The following ANKRD22 variants were observed in gnomAD, a reference collection of about 807,000 sequenced individuals.
The protein encoded by ANKRD22 is ankyrin repeat domain-containing protein 22.
A neutral mutation model predicts 25.7 loss-of-function variants in ANKRD22; 24 were observed. That is an observed-to-expected ratio of 0.93 (90% CI 0.68 to 1.31). The LOEUF (loss-of-function observed/expected upper bound fraction) is 1.31, where lower values mean the gene tolerates loss of function less well. Among genes scored for constraint, ANKRD22 ranks in the 50% most tolerant of loss-of-function variants. ANKRD22 has a pLI of 0.00. For missense variants in ANKRD22, 214 were observed against 227.1 expected, an observed-to-expected ratio of 0.94 and a Z score of 0.37; for synonymous variants, 84 against 84.3, an observed-to-expected ratio of 1.00 and a Z score of 0.02.
At chr10:88,847,563 C>A (rs1189896906) in intron 1 of ANKRD22, among the ~76,000 whole-genome samples, 1 of 152,056 alleles carries the variant, frequency 6.6e-6, no homozygotes, top group African/African-American at 2.4e-5. Context: ...CTGGCCTCAA[C>A]ACCATACTCT....
In ANKRD22 at chr10:88,831,946, A is replaced by C. The variant is rs745934666; in HGVS notation, c.102T>G (p.Val34=). The C allele has an allele frequency of 2.5e-6, 4 of 1,613,980 alleles. No homozygotes were observed. The South Asian group carries it at 4.4e-5, about 18-fold the overall frequency. Residue 34 remains valine, a synonymous_variant, in exon 2 of 6, where the codon GTT becomes GTG. Coordinates refer to ENST00000371930, the MANE Select transcript of ANKRD22 (RefSeq NM_144590.3). ...GCGTGTCTCCATTAAAGCCATCTTG[A>C]ACGTTGGCATAGCTGCTGTCTTCTT... The part of the protein sequence containing the change: ...WVKEDSSYAN[V]QDGFNGDTPL...
intron 1 of ANKRD22, among the ~76,000 whole-genome samples, chr10:88,841,684 A>T (rs1460290973): frequency 1.3e-5 from 2 of 152,186 alleles, no homozygotes; most frequent in Non-Finnish European, 2.9e-5. Flanking sequence ...CAATTTGCAA[A>T]CATAAGCAAA....
Position 88,820,484 on chromosome 10 carries a change from T to A in ANKRD22, c.*2457A>T. ...GGAGACCAACCTTTCCCAGGGACGGTGTGAGGCCGTATTGTGAAGCATCTG... is the reference window on the plus strand; with the variant it reads ...GGAGACCAACCTTTCCCAGGGACGGAGTGAGGCCGTATTGTGAAGCATCTG... On this transcript the variant is annotated 3_prime_UTR_variant, in exon 6 of 6. Transcript: ENST00000371930. The A allele has an allele frequency of 1.3e-6, 2 of 1,550,980 alleles. No individual in the cohort carries two copies. Among genetic ancestry groups the A allele is most frequent in the East Asian group, 4.9e-5 (2 of 40,918 alleles).
In ANKRD22 at chr10:88,822,904, A is replaced by T. The variant is rs779274413; in HGVS notation, c.*37T>A. On this transcript the variant is annotated 3_prime_UTR_variant, in exon 6 of 6. Coordinates refer to ENST00000371930, the MANE Select transcript of ANKRD22 (RefSeq NM_144590.3). Reference sequence around the variant, plus strand: ...AAAATGAAGATAGAATCCAGTCGTTAACTTTTTCTGTATCTCCATCGGTGT... The same window carrying T: ...AAAATGAAGATAGAATCCAGTCGTTTACTTTTTCTGTATCTCCATCGGTGT... The T allele has an allele frequency of 1.9e-5, 29 of 1,534,832 alleles. No individual in the cohort carries two copies. Among genetic ancestry groups the T allele is most frequent in the Non-Finnish European group, 2.2e-5 (25 of 1,114,062 alleles).
At position 88,820,506 on chromosome 10, in the gene ANKRD22, T is replaced by C; in HGVS notation, c.*2435A>G. Reference sequence around the variant, plus strand: ...CGGTGTGAGGCCGTATTGTGAAGCATCTGACACTGACGATCTTAGGACAAC... The same window carrying C: ...CGGTGTGAGGCCGTATTGTGAAGCACCTGACACTGACGATCTTAGGACAAC... On this transcript the variant is annotated 3_prime_UTR_variant, in exon 6 of 6. Coordinates refer to ENST00000371930, the MANE Select transcript of ANKRD22 (RefSeq NM_144590.3). The C allele has an allele frequency of 5.8e-6, 9 of 1,548,582 alleles. No individual in the cohort carries two copies. The highest frequency in any genetic ancestry group is 7.9e-6 in the Non-Finnish European group (9 of 1,146,122).
chr10:88,834,972 T>A (rs1250216111), intron 1 of ANKRD22, among the ~76,000 whole-genome samples: 1 of 152,020 alleles, frequency 6.6e-6, no homozygotes, highest in Admixed American at 6.6e-5. Flanking sequence ...AAAGTTTTGC[T>A]AACACTGGGC....
rs1163672730 is a variant in ANKRD22, at chr10:88,821,588, T to A, written c.*1353A>T. 6.6e-6 allele frequency among the ~76,000 whole-genome samples: 1 copy of A among 152,246 alleles called. No individual in the cohort carries two copies. Among genetic ancestry groups the A allele is most frequent in the African/African-American group, 2.4e-5 (1 of 41,466 alleles). On this transcript the variant is annotated 3_prime_UTR_variant, in exon 6 of 6. Transcript: ENST00000371930. ...TCAATGCCAGTGAATCTTAATTTAT[T>A]AAGACACGTTTAAAGACTTCAGAAT...
At chr10:88,833,506 G>A (rs1449413305) in intron 1 of ANKRD22, among the ~76,000 whole-genome samples, 1 of 152,140 alleles carries the variant, frequency 6.6e-6, no homozygotes, top group Non-Finnish European at 1.5e-5. Context: ...GTATGGGTAG[G>A]TACATAAGCA....
At chr10:88,845,665 C>T (rs1049623671) in intron 1 of ANKRD22, among the ~76,000 whole-genome samples, 1 of 152,072 alleles carries the variant, frequency 6.6e-6, no homozygotes, top group Non-Finnish European at 1.5e-5. Context: ...ACCAGGAAAT[C>T]TTTTAGTTAA....
intron 3 of ANKRD22, 28 bp from the exon 4 acceptor site, chr10:88,826,143 G>T (rs372288803): frequency 3.5e-5 from 54 of 1,553,148 alleles, no homozygotes; most frequent in Non-Finnish European, 4.7e-5. Context: ...TATAAGAAAG[G>T]CTTATTTACA....
chr10:88,841,728 A>G (rs917609770), intron 1 of ANKRD22, among the ~76,000 whole-genome samples: 6 of 152,184 alleles, frequency 3.9e-5, no homozygotes, highest in African/African-American at 1.4e-4. Context: ...AAATCCCTAT[A>G]TTAAAGAAAA....
At chr10:88,832,285 G>T (rs1339943482) in intron 1 of ANKRD22, among the ~76,000 whole-genome samples, 1 of 152,044 alleles carries the variant, frequency 6.6e-6, no homozygotes, top group Non-Finnish European at 1.5e-5. Flanking sequence ...ATAAATAAAT[G>T]AAATACTACA....
chr10:88,825,979 C>T (rs373601534), intron 4 of ANKRD22, 59 bp downstream of exon 4: 603 of 1,365,642 alleles, frequency 4.4e-4, no homozygotes, highest in Non-Finnish European at 5.8e-4. Flanking sequence ...ATGACAAATA[C>T]GCTACCTACA....
At chr10:88,825,005 T>TCACACACACACACACA (rs1483035899) in intron 4 of ANKRD22, among the ~76,000 whole-genome samples, 110 of 92,332 alleles carry the variant, frequency 1.2e-3, no homozygotes, top group Non-Finnish European at 2.3e-3. Flanking sequence ...TCTCTCTCTC[T>TCACACACACACACACA]CTCTCTCACA....
Position 88,822,170 on chromosome 10 carries a change from T to C in ANKRD22, c.*771A>G, listed in dbSNP as rs1488105539. 2 of 152,176 alleles carry C rather than the reference T, an allele frequency of 1.3e-5. No homozygotes were observed. The highest frequency in any genetic ancestry group is 1.9e-4 in the East Asian group (1 of 5,200). The allele number at this position is 152,176 out of a possible 1,614,324, so 9.4% of individuals were successfully genotyped here. On this transcript the variant is annotated 3_prime_UTR_variant, in exon 6 of 6. Transcript: ENST00000371930. The stretch of plus-strand genomic sequence containing the variant: ...GTGGTATGCTGGTAAACGAACTTTA[T>C]GGAAAGTAAAAAACAAAAAAACAAA...
rs750031198 is a variant in ANKRD22 at position 88,823,028 on chromosome 10, GA to G, written c.499-11del. Reference sequence around the variant, plus strand: ...GTGAGCTCTCACCATGCTGAGGGGGGAAAAATATACAGTTATTTCCAATAGA... The same window carrying G: ...GTGAGCTCTCACCATGCTGAGGGGGGAAAATATACAGTTATTTCCAATAGA... On this transcript the variant is annotated splice_polypyrimidine_tract_variant and intron_variant, in intron 5 of 5. Transcript: ENST00000371930. The G allele has an allele frequency of 5.0e-6, 8 of 1,610,010 alleles. No homozygotes were observed. Among genetic ancestry groups the G allele is most frequent in the Admixed American group, 1.7e-5 (1 of 59,906 alleles).
At chr10:88,823,072 C>T (rs994298664) in intron 5 of ANKRD22, 54 bp from the exon 6 acceptor site, 9 of 1,547,464 alleles carry the variant, frequency 5.8e-6, no homozygotes, top group Admixed American at 3.4e-5. Context: ...AGATCTCGTA[C>T]GTAGCTTAGA....
intron 1 of ANKRD22, among the ~76,000 whole-genome samples, chr10:88,840,669 C>T (rs1055574120): frequency 1.3e-5 from 2 of 152,082 alleles, no homozygotes; most frequent in South Asian, 2.1e-4. Flanking sequence ...AAAATGATTC[C>T]GGTAAAGAGC....
intron 1 of ANKRD22, among the ~76,000 whole-genome samples, chr10:88,844,560 G>A (rs1346440676): frequency 6.6e-6 from 1 of 152,046 alleles, no homozygotes; most frequent in African/African-American, 2.4e-5. Context: ...GGGGAGCTAT[G>A]TATCAAGAGC....
Sources: allele counts gnomAD v4.1 joint callset (sites outside exome capture counted in the v4.1 genomes callset), GRCh38; gene constraint gnomAD v4.1.1; transcripts MANE v1.5; gene names NCBI Gene and HGNC (gene_info 2026-07-23, HGNC 2026-07-21).